The following PATL2 variants were observed in gnomAD, a reference collection of about 807,000 sequenced individuals.
The protein encoded by PATL2 is protein PAT1 homolog 2.
A neutral mutation model predicts 77.0 loss-of-function variants in PATL2; 73 were observed. That is an observed-to-expected ratio of 0.95 (90% CI 0.78 to 1.15). The LOEUF is 1.15. PATL2 is among the 50% of genes most tolerant of loss of function. PATL2 has a pLI of 0.00. For synonymous variants in PATL2, 265 were observed against 257.1 expected, an observed-to-expected ratio of 1.03 and a Z score of -0.29; for missense variants, 618 against 655.4, an observed-to-expected ratio of 0.94 and a Z score of 0.62.
At chr15:44,695,940 G>A (rs2141254070) in intron 3 of PATL2, among the ~76,000 whole-genome samples, 1 of 152,288 alleles carries the variant, frequency 6.6e-6, no homozygotes, top group African/African-American at 2.4e-5. Flanking sequence ...TTGGAAGCAG[G>A]TCTAACAGTG....
chr15:44,687,853 A>ATTC (rs1423784683), intron 3 of PATL2, among the ~76,000 whole-genome samples: 1 of 152,230 alleles, frequency 6.6e-6, no homozygotes, highest in Non-Finnish European at 1.5e-5. Flanking sequence ...AGTCATGTGA[A>ATTC]GGACCTCTTC....
intron 4 of PATL2, 194 bp downstream of exon 4, chr15:44,676,281 A>G (rs902362720): frequency 1.6e-6 from 1 of 607,282 alleles, no homozygotes; most frequent in Non-Finnish European, 3.0e-6. Context: ...GTTGTTGATA[A>G]TTTTACTAGG....
Position 44,669,121 on chromosome 15 carries a change from G to A in PATL2, c.1083C>T (p.Phe361=), listed in dbSNP as rs1293614547. ...CCTTCCTCACAGAGAGCACCTGCAG[G>A]AAGCCATCTGCTGCCTCTCTGCAAG... The part of the protein sequence containing the change: ...QNNLEEAADG[F]LQVLSVRKGK... Residue 361 remains phenylalanine (F), a synonymous_variant, in exon 14 of 18, where the codon TTC becomes TTT. Transcript: ENST00000682850. The A allele has an allele frequency of 1.3e-6, 2 of 1,543,392 alleles. No individual in the cohort carries two copies. Among genetic ancestry groups the A allele is most frequent in the Non-Finnish European group, 8.8e-7 (1 of 1,141,938 alleles).
chr15:44,699,601 G>A (rs778761088), intron 3 of PATL2, among the ~76,000 whole-genome samples: 15 of 152,274 alleles, frequency 9.9e-5, no homozygotes, highest in Non-Finnish European at 1.9e-4. Context: ...GCCTCCCAAA[G>A]TGCCAGGATT....
chr15:44,691,432 C>T (rs1447545250), intron 3 of PATL2, among the ~76,000 whole-genome samples: 2 of 152,008 alleles, frequency 1.3e-5, no homozygotes, highest in Non-Finnish European at 1.5e-5. Flanking sequence ...CCAAGGCAGG[C>T]GGATCACTTG....
intron 15 of PATL2, 126 bp from the exon 16 acceptor site, chr15:44,667,329 C>T: frequency 1.4e-6 from 1 of 696,520 alleles, no homozygotes; most frequent in Non-Finnish European, 2.5e-6. Flanking sequence ...AAAATATCCA[C>T]AAGTGCTGTC....
chr15:44,703,450 T>C (rs1359820138), intron 3 of PATL2, among the ~76,000 whole-genome samples: 1 of 152,080 alleles, frequency 6.6e-6, no homozygotes, highest in Non-Finnish European at 1.5e-5. Flanking sequence ...ATATTTACTT[T>C]ATATAGCTGG....
Position 44,665,970 on chromosome 15 carries a change from AC to A in PATL2, c.1614del (p.Glu538AspfsTer19). 1.3e-6 allele frequency: 2 copies of A among 1,538,770 alleles called. No individual in the cohort carries two copies. Among genetic ancestry groups the A allele is most frequent in the Non-Finnish European group, 1.7e-6 (2 of 1,143,420 alleles). On this transcript the variant is annotated frameshift_variant and splice_region_variant, in exon 18 of 18. Coordinates refer to ENST00000682850, the MANE Select transcript of PATL2 (RefSeq NM_001387263.1). LOFTEE classifies it high-confidence loss of function. ...QLVQQLEARM[E>X]FAWIY ...CAAACAGATCAGTAAATCCAGGCAA[AC>A]CTATAAAGAGAACAGATATTAACTG...
chr15:44,679,645 G>C (rs905808200), intron 3 of PATL2, among the ~76,000 whole-genome samples: 1 of 148,368 alleles, frequency 6.7e-6, no homozygotes, highest in South Asian at 2.1e-4. Context: ...CACCTGCCTC[G>C]GCCTCCAGAG....
rs992435762 is a variant in PATL2, at chr15:44,673,092, T to A, written c.446+143A>T. On this transcript the variant is annotated intron_variant, in intron 7 of 17. Coordinates refer to ENST00000682850, the MANE Select transcript of PATL2 (RefSeq NM_001387263.1). The stretch of plus-strand genomic sequence containing the variant: ...AATTTTTAATCTCCCTGGGGCTAAT[T>A]TGTGAGGGAGACGGAATTAGACTAT... 1.0e-5 allele frequency: 12 copies of A among 1,148,176 alleles called. No homozygotes were observed. The Admixed American group carries it at 3.2e-4, about 30-fold the overall frequency. The allele number at this position is 1,148,176 out of a possible 1,614,324, so 71.1% of individuals were successfully genotyped here. A position where few individuals can be genotyped will look rare whatever the true frequency, so the allele number is the denominator to read the frequency against.
intron 9 of PATL2, among the ~76,000 whole-genome samples, chr15:44,671,492 A>G (rs1236578423): frequency 6.6e-6 from 1 of 151,956 alleles, no homozygotes; most frequent in Non-Finnish European, 1.5e-5. Flanking sequence ...CTGTCTCAAA[A>G]AAAAAAAAAG....
chr15:44,667,686 T>G (rs1024467887), intron 15 of PATL2, among the ~76,000 whole-genome samples: 1 of 152,238 alleles, frequency 6.6e-6, no homozygotes, highest in Non-Finnish European at 1.5e-5. Flanking sequence ...CTCATGCCTG[T>G]AATTCCAGCA....
chr15:44,668,922 G>A (rs928610543), intron 14 of PATL2, 58 bp downstream of exon 14: 5 of 1,450,018 alleles, frequency 3.4e-6, no homozygotes, highest in South Asian at 2.9e-5. Flanking sequence ...CTGGAGGGGA[G>A]GAATGACCCC....
In PATL2 at chr15:44,673,333, G is replaced by C; in HGVS notation, c.348C>G (p.Pro116=). 1 of 1,551,678 alleles carries C rather than the reference G, an allele frequency of 6.4e-7. No individual in the cohort carries two copies. The highest frequency in any genetic ancestry group is 2.4e-5 in the East Asian group (1 of 40,920). ...AGTGCTGTGCTGGAGAGCTGGTGCT[G>C]GGAAATGTAGGCCAGAAAGGGATGG... ...LSPIPFWPTF[P]STSSPAQHFG... Residue 116 remains proline, a synonymous_variant, in exon 7 of 18, where the codon CCC becomes CCG. Coordinates refer to ENST00000682850, the MANE Select transcript of PATL2 (RefSeq NM_001387263.1).
chr15:44,673,990 CCT>C (rs1226978534), intron 6 of PATL2, among the ~76,000 whole-genome samples, 158 bp downstream of exon 6: 1 of 152,188 alleles, frequency 6.6e-6, no homozygotes, highest in Non-Finnish European at 1.5e-5. Flanking sequence ...GGGCACACCA[CCT>C]CTGTCATTTA....
In PATL2 at chr15:44,669,112, C is replaced by T. The variant is rs1018606339; in HGVS notation, c.1092G>A (p.Val364=). ...GGGCCTTCCCCTTCCTCACAGAGAGCACCTGCAGGAAGCCATCTGCTGCCT... is the reference window on the plus strand; with the variant it reads ...GGGCCTTCCCCTTCCTCACAGAGAGTACCTGCAGGAAGCCATCTGCTGCCT... ...LEEAADGFLQ[V]LSVRKGKALV... Residue 364 remains valine (V), a synonymous_variant, in exon 14 of 18, where the codon GTG becomes GTA. Transcript: ENST00000682850. The T allele has an allele frequency of 7.1e-6, 11 of 1,545,140 alleles. No individual in the cohort carries two copies. In the African/African-American group the frequency reaches 9.6e-5, roughly 13 times the overall value.
rs2085491127 is a variant in PATL2 at position 44,668,395 on chromosome 15, G to A, written c.1312C>T (p.Leu438=). 1 of 1,551,304 alleles carries A rather than the reference G, an allele frequency of 6.4e-7. No individual in the cohort carries two copies. The highest frequency in any genetic ancestry group is 1.2e-5 in the South Asian group (1 of 84,046). ...CGCTCTGAGGAGCCAGGTGGCAACA[G>A]CGTTAATCCCTGAAGTCCTTGGAGG... ...ELLQGLQGLT[L]LPPGSSERPV... The change falls in exon 15 of 18, where the codon CTG becomes TTG. Residue 438 remains leucine, a synonymous_variant. Transcript: ENST00000682850.
In PATL2 at chr15:44,670,052, G is replaced by A. The variant is rs577616730; in HGVS notation, c.693C>T (p.Asp231=). Residue 231 remains aspartate, a synonymous_variant, in exon 10 of 18, where the codon GAC becomes GAT. Coordinates refer to ENST00000682850, the MANE Select transcript of PATL2 (RefSeq NM_001387263.1). ...YYQKLEKKQA[D]EELLGRRNRV... ...GGTTTCTTCGTCCAAGTAGCTCTTCGTCTGCCTGCTTCTTCTCTAGCTTCT... is the reference window on the plus strand; with the variant it reads ...GGTTTCTTCGTCCAAGTAGCTCTTCATCTGCCTGCTTCTTCTCTAGCTTCT... 131 of 1,551,458 alleles carry A rather than the reference G, an allele frequency of 8.4e-5. 2 individuals are homozygous for A. In the East Asian group the frequency reaches 1.8e-3, roughly 21 times the overall value.
rs1202208840 is a variant in PATL2 at position 44,675,635 on chromosome 15, G to T, written c.73C>A (p.Gln25Lys). Residue 25 changes from glutamine to lysine, a missense_variant, in exon 5 of 18, where the codon CAG becomes AAG. Gln to Lys is a moderately conservative substitution (Grantham distance 53). Coordinates refer to ENST00000682850, the MANE Select transcript of PATL2 (RefSeq NM_001387263.1). ...TCATTCTCTTCTTCTTTTTCCAACT[G>T]GCAGGCAGACACCAGCTCCTCCTCA... Reference protein sequence around the residue: ...ASEEELVSACQLEKEEENEGE... With the variant: ...ASEEELVSACKLEKEEENEGE... 19 of 1,551,628 alleles carry T rather than the reference G, an allele frequency of 1.2e-5. No homozygotes were observed. Among genetic ancestry groups the T allele is most frequent in the Non-Finnish European group, 1.6e-5 (18 of 1,146,982 alleles).
Sources: allele counts gnomAD v4.1 joint callset (sites outside exome capture counted in the v4.1 genomes callset), GRCh38; gene constraint gnomAD v4.1.1; transcripts MANE v1.5; gene names NCBI Gene and HGNC (gene_info 2026-07-23, HGNC 2026-07-21).